Variants in CYP27C1 observed in about 807,000 individuals in gnomAD.
CYP27C1 encodes cytochrome P450 27C1.
In CYP27C1, 29 loss-of-function variants were observed where a neutral mutation model predicts 40.6. The observed-to-expected ratio is 0.71, with a 90% CI of 0.53 to 0.97. CYP27C1 has a LOEUF of 0.97. CYP27C1 is among the 50% of genes least tolerant of loss of function. The pLI is 0.00. For missense variants in CYP27C1, 390 were observed against 485.8 expected (o/e 0.80, Z 1.85); for synonymous variants, 198 against 186.8 (o/e 1.06, Z -0.49).
intron 1 of CYP27C1, among the ~76,000 whole-genome samples, chr2:127,212,210 T>C (rs144873826): frequency 0.014 from 2,154 of 152,288 alleles, 45 homozygotes; most frequent in African/African-American, 0.048. Flanking sequence ...CAGGACTAGA[T>C]GGATTCACAG....
Position 127,208,862 on chromosome 2 carries a change from C to T in CYP27C1, c.283-2772G>A, listed in dbSNP as rs978254251. Among the ~76,000 whole-genome samples, 4 of 152,110 alleles carry T rather than the reference C, an allele frequency of 2.6e-5. No homozygotes were observed. Among genetic ancestry groups the T allele is most frequent in the African/African-American group, 7.2e-5 (3 of 41,408 alleles). On this transcript the variant is annotated intron_variant, in intron 1 of 8. Coordinates refer to ENST00000664447, the MANE Select transcript of CYP27C1 (RefSeq NM_001367502.1). The surrounding 1 kb of genome is among the most constrained non-coding windows in gnomAD (Gnocchi z 5.2). ...GGACAGAACTCTGATCTCCCTGGGCCTGAGCCCTTGGGGAAGGGGTGGCCA... is the reference window on the plus strand; with the variant it reads ...GGACAGAACTCTGATCTCCCTGGGCTTGAGCCCTTGGGGAAGGGGTGGCCA...
At chr2:127,203,238 C>T (rs1156293376) in intron 3 of CYP27C1, 134 bp downstream of exon 3, 8 of 957,360 alleles carry the variant, frequency 8.4e-6, no homozygotes, top group Non-Finnish European at 1.2e-5. Flanking sequence ...ACGTTAGCAC[C>T]GTGGAGGTGA....
chr2:127,206,138 A>G lies in CYP27C1; in HGVS notation c.283-48T>C, dbSNP rs575951382. 2.0e-5 allele frequency among the ~76,000 whole-genome samples: 3 copies of G among 152,384 alleles called. No homozygotes were observed. The South Asian group carries it at 6.2e-4, about 32-fold the overall frequency. The stretch of plus-strand genomic sequence containing the variant: ...AAAAAGGAAAAAATACATAGATATG[A>G]TATACCTTTAACATAAACATCCTGT... On this transcript the variant is annotated intron_variant, in intron 1 of 8. Coordinates refer to ENST00000664447, the MANE Select transcript of CYP27C1 (RefSeq NM_001367502.1).
Position 127,201,181 on chromosome 2 carries a change from G to C in CYP27C1, c.824C>G (p.Pro275Arg). The C allele has an allele frequency of 6.2e-7, 1 of 1,614,108 alleles. No individual in the cohort carries two copies. Among genetic ancestry groups the C allele is most frequent in the Non-Finnish European group, 8.5e-7 (1 of 1,180,030 alleles). Residue 275 changes from proline to arginine, a missense_variant, in exon 4 of 9, where the codon CCC (proline) becomes CGC (arginine). Physicochemically the swap from Pro to Arg is moderately radical, Grantham distance 103. Transcript: ENST00000664447. This position sits in a 1 kb window ranked among gnomAD's most constrained non-coding sequence, Gnocchi z 6.0. ...TTCCCGCCAGGGCTTTGGGATGAAG[G>C]GGCGAAGCCATCTGGGGATGGCGCC... The part of the protein sequence containing the change: ...YAGAIPRWLR[P>R]FIPKPWREFC...
intron 5 of CYP27C1, among the ~76,000 whole-genome samples, chr2:127,198,057 C>T (rs1376405309): frequency 2.0e-5 from 3 of 152,156 alleles, no homozygotes; most frequent in African/African-American, 4.8e-5. Context: ...CCTTTCCCAT[C>T]GGATAGCCTG....
Position 127,208,295 on chromosome 2 carries a change from C to T in CYP27C1, c.283-2205G>A, listed in dbSNP as rs184827347. Among the ~76,000 whole-genome samples, 159 of 152,206 alleles carry T rather than the reference C, an allele frequency of 1.0e-3. No homozygotes were observed. The highest frequency in any genetic ancestry group is 6.8e-3 in the Middle Eastern group (2 of 294). ...AGCCACACGGGGAAGGGAACCCACT[C>T]CCCCCAGCCAAGGGAGGTGGTGAGT... On this transcript the variant is annotated intron_variant, in intron 1 of 8. Coordinates refer to ENST00000664447, the MANE Select transcript of CYP27C1 (RefSeq NM_001367502.1). The surrounding 1 kb of genome is among the most constrained non-coding windows in gnomAD (Gnocchi z 5.2).
intron 2 of CYP27C1, among the ~76,000 whole-genome samples, chr2:127,204,557 GAAAGAAAGAAAGAAAGAAAGAA>G (rs1258054346): frequency 7.6e-4 from 31 of 40,660 alleles, no homozygotes; most frequent in Admixed American, 2.4e-3. Context: ...GAGAGAGAGA[GAAAGAAAGAAAGAAAGAAAGAA>G]AGAAAGAAAG....
At position 127,196,006 on chromosome 2, in the gene CYP27C1, C is replaced by T. The variant is rs1299847036; in HGVS notation, c.1048-505G>A. Among the ~76,000 whole-genome samples the T allele has an allele frequency of 6.6e-6, 1 of 152,068 alleles. No homozygotes were observed. Among genetic ancestry groups the T allele is most frequent in the Non-Finnish European group, 1.5e-5 (1 of 68,026 alleles). On this transcript the variant is annotated intron_variant, in intron 5 of 8. Transcript: ENST00000664447. This position sits in a 1 kb window ranked among gnomAD's most constrained non-coding sequence, Gnocchi z 4.5. ...ATCACTAGTTAGCCATCGTGTCCTG[C>T]CTTCATCAAGTAAGGTCCACACAGA...
chr2:127,204,517 GA>G, intron 2 of CYP27C1, among the ~76,000 whole-genome samples: 1 of 26,674 alleles, frequency 3.7e-5, no homozygotes, highest in Non-Finnish European at 7.0e-5. Context: ...AAGAAAGAAG[GA>G]AAGAAAGAAA....
chr2:127,209,357 A>C lies in CYP27C1; in HGVS notation c.283-3267T>G, dbSNP rs1683294241. ...AAAGGCCCCCACAAAAACCCCATCC[A>C]AGGGTCAGCAGCCTCAAGACTGAAA... On this transcript the variant is annotated intron_variant, in intron 1 of 8. Coordinates refer to ENST00000664447, the MANE Select transcript of CYP27C1 (RefSeq NM_001367502.1). The surrounding 1 kb of genome is among the most constrained non-coding windows in gnomAD (Gnocchi z 4.1). Among the ~76,000 whole-genome samples, 2 of 152,318 alleles carry C rather than the reference A, an allele frequency of 1.3e-5. No homozygotes were observed. Among genetic ancestry groups the C allele is most frequent in the Admixed American group, 1.3e-4 (2 of 15,296 alleles).
intron 1 of CYP27C1, among the ~76,000 whole-genome samples, chr2:127,212,312 AT>A (rs1324310400): frequency 6.6e-6 from 1 of 152,212 alleles, no homozygotes; most frequent in Non-Finnish European, 1.5e-5. Context: ...CCCCTAACTC[AT>A]TTTATGAAGC....
rs935824124 is a variant in CYP27C1 at position 127,196,153 on chromosome 2, C to A, written c.1048-652G>T. Among the ~76,000 whole-genome samples the A allele has an allele frequency of 2.0e-5, 3 of 152,060 alleles. No individual in the cohort carries two copies. The highest frequency in any genetic ancestry group is 7.2e-5 in the African/African-American group (3 of 41,416). On this transcript the variant is annotated intron_variant, in intron 5 of 8. Coordinates refer to ENST00000664447, the MANE Select transcript of CYP27C1 (RefSeq NM_001367502.1). The surrounding 1 kb of genome is among the most constrained non-coding windows in gnomAD (Gnocchi z 4.5). ...TCTCGGCTCACTGCAAGCTCTGCCTCCCGGGTTCATGCCATTCTCCTGCCT... is the reference window on the plus strand; with the variant it reads ...TCTCGGCTCACTGCAAGCTCTGCCTACCGGGTTCATGCCATTCTCCTGCCT...
At chr2:127,203,239 G>A (rs1038033759) in intron 3 of CYP27C1, 133 bp downstream of exon 3, 101 of 956,662 alleles carry the variant, frequency 1.1e-4, no homozygotes, top group Non-Finnish European at 1.4e-4. Flanking sequence ...CGTTAGCACC[G>A]TGGAGGTGAC....
rs182535789 is a variant in CYP27C1 at position 127,185,404 on chromosome 2, G to C, written c.*1867C>G. The C allele has an allele frequency of 6.6e-6, 1 of 152,310 alleles. No homozygotes were observed. Among genetic ancestry groups the C allele is most frequent in the East Asian group, 1.9e-4 (1 of 5,184 alleles). 9.4% of individuals were successfully genotyped at this position (152,310 alleles called of 1,614,324 possible). A position where few individuals can be genotyped will look rare whatever the true frequency, so the allele number is the denominator to read the frequency against. On this transcript the variant is annotated 3_prime_UTR_variant, in exon 9 of 9. Coordinates refer to ENST00000664447, the MANE Select transcript of CYP27C1 (RefSeq NM_001367502.1). This position sits in a 1 kb window ranked among gnomAD's most constrained non-coding sequence, Gnocchi z 4.9. ...CCACACTTCACGAGAGGGTCACACT[G>C]TATGTATACCCAGGGAATAAGAGGT...
intron 8 of CYP27C1, among the ~76,000 whole-genome samples, chr2:127,189,074 A>C (rs1389417257): frequency 6.6e-6 from 1 of 152,040 alleles, no homozygotes; most frequent in African/African-American, 2.4e-5. Flanking sequence ...TCCTAACTTC[A>C]AGGCCATCGT....
At chr2:127,216,220 C>G (rs1211949926) in intron 1 of CYP27C1, among the ~76,000 whole-genome samples, 1 of 152,200 alleles carries the variant, frequency 6.6e-6, no homozygotes, top group Non-Finnish European at 1.5e-5. Context: ...AAACACATGT[C>G]TACACAAAAC....
rs1039574974 is a variant in CYP27C1, at chr2:127,209,409, T to C, written c.283-3319A>G. Among the ~76,000 whole-genome samples the C allele has an allele frequency of 3.3e-5, 5 of 152,000 alleles. No homozygotes were observed. The highest frequency in any genetic ancestry group is 5.9e-5 in the Non-Finnish European group (4 of 67,998). On this transcript the variant is annotated intron_variant, in intron 1 of 8. Coordinates refer to ENST00000664447, the MANE Select transcript of CYP27C1 (RefSeq NM_001367502.1). This position sits in a 1 kb window ranked among gnomAD's most constrained non-coding sequence, Gnocchi z 4.1. ...TAGACAAACTCACAGAGATGAGAAA[T>C]AATCAACAAAAAAATGCTGAAAACC...
Position 127,211,361 on chromosome 2 carries a change from GTTTTTTTGTTTTT to G in CYP27C1, c.283-5284_283-5272del, listed in dbSNP as rs1440117231. Reference sequence around the variant, plus strand: ...ATCTCTGGGATACAGCTAAAGCAGTGTTTTTTTGTTTTTTTTTTTTTTTTTTTTTTTTTTTTTT... The same window carrying G: ...ATCTCTGGGATACAGCTAAAGCAGTGTTTTTTTTTTTTTTTTTTTTTTTTT... On this transcript the variant is annotated intron_variant, in intron 1 of 8. Transcript: ENST00000664447. 5.7e-3 allele frequency among the ~76,000 whole-genome samples: 586 copies of G among 103,564 alleles called. 27 individuals carry two copies. Among genetic ancestry groups the G allele is most frequent in the South Asian group, 0.012 (32 of 2,672 alleles). The allele number at this position is 103,564 out of a possible 152,430, so 67.9% of individuals were successfully genotyped here.
rs1573887348 is a variant in CYP27C1 at position 127,187,205 on chromosome 2, A to C, written c.*66T>G. 2 of 1,312,246 alleles carry C rather than the reference A, an allele frequency of 1.5e-6. No homozygotes were observed. The highest frequency in any genetic ancestry group is 2.2e-6 in the Non-Finnish European group (2 of 910,150). 81.3% of individuals were successfully genotyped at this position (1,312,246 alleles called of 1,614,324 possible). On this transcript the variant is annotated 3_prime_UTR_variant, in exon 9 of 9. Transcript: ENST00000664447. The stretch of plus-strand genomic sequence containing the variant: ...CTTTCCTTCTCCACGGTGATCAGCG[A>C]ACACAAATACCCACTGTGTGTCGGC...
Sources: allele counts gnomAD v4.1 joint callset (sites outside exome capture counted in the v4.1 genomes callset), GRCh38; gene constraint gnomAD v4.1.1; non-coding constraint Gnocchi (gnomAD v3.1); transcripts MANE v1.5; gene names NCBI Gene and HGNC (gene_info 2026-07-23, HGNC 2026-07-21).